Variants in RALY observed in about 807,000 individuals in gnomAD.
RALY encodes RALY heterogeneous nuclear ribonucleoprotein.
RALY carries 15 observed loss-of-function variants against 30.7 expected under a neutral mutation model. The ratio of observed to expected loss-of-function variants is 0.49; its 90% CI spans 0.33 to 0.75. The LOEUF (loss-of-function observed/expected upper bound fraction) is 0.75. Ranked by LOEUF, RALY falls within the 30% of genes least tolerant of loss-of-function variation. The pLI, the probability that RALY is intolerant of heterozygous loss-of-function variation, is 0.02. For missense variants in RALY, 339 were observed against 414.3 expected, an observed-to-expected ratio of 0.82 and a Z score of 1.58; for synonymous variants, 177 against 170.8, an observed-to-expected ratio of 1.04 and a Z score of -0.28.
intron 1 of RALY, among the ~76,000 whole-genome samples, chr20:34,008,849 G>T (rs908956052): frequency 6.6e-6 from 1 of 152,084 alleles, no homozygotes; most frequent in Non-Finnish European, 1.5e-5. Context: ...TTGTAGAGAT[G>T]AGTTATTACT....
chr20:34,044,161 T>C (rs2032795411), intron 2 of RALY, among the ~76,000 whole-genome samples: 1 of 152,156 alleles, frequency 6.6e-6, no homozygotes, highest in Non-Finnish European at 1.5e-5. Flanking sequence ...TGGTTAGGGT[T>C]AAAGTTACCA....
At chr20:34,067,068 A>G (rs183504657) in intron 2 of RALY, among the ~76,000 whole-genome samples, 2 of 152,240 alleles carry the variant, frequency 1.3e-5, no homozygotes, top group East Asian at 1.9e-4. Flanking sequence ...GCTTTGCTCT[A>G]TTAACCAGTT....
intron 2 of RALY, among the ~76,000 whole-genome samples, chr20:34,035,152 CAAAAAAAAAAAAAAAAAAA>C (rs61301033): frequency 1.8e-3 from 57 of 32,532 alleles, no homozygotes; most frequent in Admixed American, 5.5e-3. Flanking sequence ...GACTCCATCT[CAAAAAAAAAAAAAAAAAAA>C]AAAAAAAAAA....
chr20:34,061,917 G>A (rs1179898521), intron 2 of RALY, among the ~76,000 whole-genome samples: 2 of 152,150 alleles, frequency 1.3e-5, no homozygotes, highest in Non-Finnish European at 2.9e-5. Context: ...TATCACTAAT[G>A]GTAAAGATCT....
At chr20:34,000,722 G>T (rs2030874788) in intron 1 of RALY, among the ~76,000 whole-genome samples, 1 of 152,140 alleles carries the variant, frequency 6.6e-6, no homozygotes, top group East Asian at 1.9e-4. Flanking sequence ...TTCTTAGAGG[G>T]TACATACTTG....
At chr20:34,078,088 T>G (rs1032589523) in intron 8 of RALY, among the ~76,000 whole-genome samples, 1 of 152,246 alleles carries the variant, frequency 6.6e-6, no homozygotes, top group Non-Finnish European at 1.5e-5. Context: ...GAGGTCTGCC[T>G]TATGCTAGCT....
intron 2 of RALY, among the ~76,000 whole-genome samples, chr20:34,032,088 G>C (rs1236398430): frequency 6.6e-6 from 1 of 152,178 alleles, no homozygotes; most frequent in East Asian, 1.9e-4. Flanking sequence ...TCAGCCTCCT[G>C]AGTAGCTAGG....
intron 2 of RALY, among the ~76,000 whole-genome samples, chr20:34,044,276 T>A (rs991605331): frequency 2.0e-5 from 3 of 152,146 alleles, no homozygotes; most frequent in Non-Finnish European, 4.4e-5. Context: ...TTAGGTGATA[T>A]ATATTTGTCT....
intron 1 of RALY, among the ~76,000 whole-genome samples, chr20:34,004,774 G>A (rs369867538): frequency 3.3e-5 from 5 of 152,186 alleles, no homozygotes; most frequent in East Asian, 3.8e-4. Flanking sequence ...TTCTTAAAAT[G>A]GTTGGGGAGG....
intron 2 of RALY, among the ~76,000 whole-genome samples, chr20:34,061,359 AT>A (rs2033412130): frequency 6.6e-6 from 1 of 152,214 alleles, no homozygotes; most frequent in South Asian, 2.1e-4. Flanking sequence ...TTTTTTGTAA[AT>A]TAGTCTGACA....
chr20:34,025,899 G>GTTTTTTTTTTTTTTTTTTTT (rs35827160), intron 1 of RALY, among the ~76,000 whole-genome samples: 2 of 75,918 alleles, frequency 2.6e-5, no homozygotes, highest in African/African-American at 5.2e-5. Flanking sequence ...ATTCCTGGTT[G>GTTTTTTTTTTTTTTTTTTTT]TTTTTTTTTT....
At chr20:34,019,749 GAGCA>G (rs1478168343) in intron 1 of RALY, among the ~76,000 whole-genome samples, 2 of 152,188 alleles carry the variant, frequency 1.3e-5, no homozygotes, top group Non-Finnish European at 2.9e-5. Context: ...ATGTAAGACA[GAGCA>G]AGCTTTATTC....
At chr20:34,054,690 A>G (rs1490392704) in intron 2 of RALY, among the ~76,000 whole-genome samples, 1 of 152,000 alleles carries the variant, frequency 6.6e-6, no homozygotes, top group Non-Finnish European at 1.5e-5. Context: ...GCCAGGCGTG[A>G]TGGTGTATGC....
At chr20:34,074,300 G>A (rs1167564813) in intron 5 of RALY, among the ~76,000 whole-genome samples, 2 of 152,176 alleles carry the variant, frequency 1.3e-5, no homozygotes, top group African/African-American at 4.8e-5. Flanking sequence ...GAGGCCAGCA[G>A]CCATTTGGAA....
At chr20:34,019,823 A>AAG in intron 1 of RALY, among the ~76,000 whole-genome samples, 1 of 152,256 alleles carries the variant, frequency 6.6e-6, no homozygotes. Context: ...GCACTTTGGG[A>AAG]GGCCGAGGCG....
chr20:34,004,604 C>A (rs917667830), intron 1 of RALY, among the ~76,000 whole-genome samples: 21 of 152,160 alleles, frequency 1.4e-4, no homozygotes, highest in Non-Finnish European at 4.4e-5. Context: ...CTTCTCATAG[C>A]CTCTCAGAGC....
intron 2 of RALY, among the ~76,000 whole-genome samples, chr20:34,068,666 T>A (rs1301743124): frequency 1.3e-5 from 2 of 152,244 alleles, no homozygotes; most frequent in African/African-American, 4.8e-5. Flanking sequence ...AATTGTGATG[T>A]TCCCAACAAC....
chr20:34,015,829 A>AT (rs1468529662), intron 1 of RALY, among the ~76,000 whole-genome samples: 1 of 152,020 alleles, frequency 6.6e-6, no homozygotes, highest in Admixed American at 6.5e-5. Flanking sequence ...TACAGGCTCA[A>AT]TGCTTTGCAA....
intron 3 of RALY, among the ~76,000 whole-genome samples, chr20:34,073,229 G>T (rs114574350): frequency 0.011 from 1,615 of 151,914 alleles, 33 homozygotes; most frequent in African/African-American, 0.037. Flanking sequence ...CCATGTACCT[G>T]ATGTGTTACG....
Sources: gnomAD v4.1 joint callset for allele counts (sites outside exome capture counted in the v4.1 genomes callset) on GRCh38, gnomAD v4.1.1 for gene constraint, MANE v1.5 for transcripts, NCBI Gene and HGNC (gene_info 2026-07-23, HGNC 2026-07-21) for gene names.